The following ZNF385B variants were observed in gnomAD, a reference collection of about 807,000 sequenced individuals.
ZNF385B encodes the protein zinc finger protein 533.
Under a neutral mutation model 39.2 loss-of-function variants are expected in ZNF385B, and 23 were observed. That is an observed-to-expected ratio of 0.59 (90% confidence interval 0.42 to 0.83). The LOEUF (loss-of-function observed/expected upper bound fraction) is 0.83, where lower values mean the gene tolerates loss of function less well. ZNF385B is among the 40% of genes least tolerant of loss of function. ZNF385B has a pLI of 0.00. For missense variants in ZNF385B, 552 were observed against 598.9 expected (o/e 0.92, Z 0.82); for synonymous variants, 205 against 222.6 (o/e 0.92, Z 0.70).
chr2:179,650,737 T>C (rs1438817061), intron 3 of ZNF385B, among the ~76,000 whole-genome samples: 2 of 152,136 alleles, frequency 1.3e-5, no homozygotes, highest in East Asian at 1.9e-4. Context: ...ATCAATAAGG[T>C]AGGGCAGTGA....
chr2:179,760,050 A>AT (rs11435978), intron 3 of ZNF385B, among the ~76,000 whole-genome samples: 94,829 of 145,042 alleles, frequency 0.65, 31,297 homozygotes, highest in Middle Eastern at 0.83. Flanking sequence ...CATAGTAAAA[A>AT]TTTTTTTTTT....
At chr2:179,655,100 T>C (rs1005031844) in intron 3 of ZNF385B, among the ~76,000 whole-genome samples, 6 of 152,200 alleles carry the variant, frequency 3.9e-5, no homozygotes, top group Non-Finnish European at 8.8e-5. Context: ...AATTGTATCA[T>C]GGGTAGTTTT....
At chr2:179,580,058 C>T (rs1056500281) in intron 3 of ZNF385B, among the ~76,000 whole-genome samples, 1 of 152,082 alleles carries the variant, frequency 6.6e-6, no homozygotes, top group African/African-American at 2.4e-5. Context: ...AACTATTAGT[C>T]CTAAGACCTT....
chr2:179,639,503 A>T (rs1692075224), intron 3 of ZNF385B, among the ~76,000 whole-genome samples: 1 of 152,166 alleles, frequency 6.6e-6, no homozygotes, highest in Admixed American at 6.6e-5. Flanking sequence ...ATCAAAATAT[A>T]ATATTGTACA....
chr2:179,774,954 G>A (rs1180672037), intron 1 of ZNF385B, among the ~76,000 whole-genome samples: 1 of 152,224 alleles, frequency 6.6e-6, no homozygotes, highest in Non-Finnish European at 1.5e-5. Context: ...GGGAAAGTTT[G>A]GGGAATACTT....
rs1300764305 is a variant in ZNF385B at position 179,524,551 on chromosome 2, C to CAAAAAAAAGAAAAAAAAA, written c.442-5914_442-5913insTTTTTTTTTCTTTTTTTT. Reference sequence around the variant, plus strand: ...TGGGTGACAGAGCGAGACTCCGTCTCAAAAAAAAAAAAAAAAAAAAAAAAA... The same window carrying CAAAAAAAAGAAAAAAAAA: ...TGGGTGACAGAGCGAGACTCCGTCTCAAAAAAAAGAAAAAAAAAAAAAAAAAAAAAAAAAAAAAAAAAA... On this transcript the variant is annotated intron_variant, in intron 4 of 9. Transcript: ENST00000410066. Among the ~76,000 whole-genome samples the CAAAAAAAAGAAAAAAAAA allele has an allele frequency of 3.0e-4, 18 of 60,972 alleles. 1 individual carries two copies. The highest frequency in any genetic ancestry group is 4.2e-4 in the Non-Finnish European group (16 of 37,648). 40.0% of individuals were successfully genotyped at this position (60,972 alleles called of 152,430 possible).
intron 6 of ZNF385B, among the ~76,000 whole-genome samples, chr2:179,475,196 T>C (rs890101052): frequency 3.3e-5 from 5 of 152,176 alleles, no homozygotes; most frequent in African/African-American, 1.2e-4. Context: ...TTACATGCTG[T>C]TAGTCATAGC....
At chr2:179,643,770 G>A (rs1490326851) in intron 3 of ZNF385B, among the ~76,000 whole-genome samples, 1 of 152,020 alleles carries the variant, frequency 6.6e-6, no homozygotes, top group East Asian at 1.9e-4. Context: ...TAGAGTGATG[G>A]AACTGTTTGA....
chr2:179,575,363 C>A (rs1454165025), intron 3 of ZNF385B, among the ~76,000 whole-genome samples: 1 of 152,136 alleles, frequency 6.6e-6, no homozygotes, highest in Non-Finnish European at 1.5e-5. Flanking sequence ...TATATTTCAA[C>A]TATAGTTATA....
chr2:179,444,900 G>T lies in ZNF385B; in HGVS notation c.1218C>A (p.Leu406=), dbSNP rs202072834. The T allele has an allele frequency of 3.1e-6, 5 of 1,614,016 alleles. No individual in the cohort carries two copies. In the South Asian group the frequency reaches 5.5e-5, roughly 18 times the overall value. Residue 406 remains leucine (L), a synonymous_variant, in exon 9 of 10, where the codon CTC becomes CTA. Transcript: ENST00000410066. ...CTGCTAGAATACTCGGGCTCCGCTG[G>T]AGTTTGTTGTAAGGGCTGTATTTTG... ...LKPKYSPYNK[L]QRSPSILAAK...
intron 3 of ZNF385B, among the ~76,000 whole-genome samples, chr2:179,552,195 CT>C: frequency 6.7e-6 from 1 of 149,084 alleles, no homozygotes; most frequent in Admixed American, 6.7e-5. Flanking sequence ...AGTCTTTGGC[CT>C]TTAGATATAT....
At chr2:179,827,235 C>T in intron 1 of ZNF385B, among the ~76,000 whole-genome samples, 1 of 152,074 alleles carries the variant, frequency 6.6e-6, no homozygotes, top group East Asian at 1.9e-4. Context: ...CGAGGAGCTG[C>T]AAGAAGCTGG....
intron 1 of ZNF385B, among the ~76,000 whole-genome samples, chr2:179,841,970 A>T (rs2106616176): frequency 6.6e-6 from 1 of 152,200 alleles, no homozygotes; most frequent in East Asian, 1.9e-4. Flanking sequence ...ACTTAAGAAC[A>T]CAGATACCAG....
chr2:179,817,278 T>C (rs1387458530), intron 1 of ZNF385B, among the ~76,000 whole-genome samples: 1 of 152,304 alleles, frequency 6.6e-6, no homozygotes, highest in African/African-American at 2.4e-5. Flanking sequence ...TTTGGCAAAA[T>C]AGAGAATTGT....
intron 3 of ZNF385B, among the ~76,000 whole-genome samples, chr2:179,614,812 C>T (rs867494267): frequency 1.3e-5 from 2 of 152,098 alleles, no homozygotes; most frequent in African/African-American, 2.4e-5. Flanking sequence ...ATTTACACAC[C>T]CAGCACTTCA....
intron 1 of ZNF385B, among the ~76,000 whole-genome samples, chr2:179,802,279 T>C (rs1041080952): frequency 1.3e-5 from 2 of 152,120 alleles, no homozygotes; most frequent in African/African-American, 4.8e-5. Context: ...TGTTCGTTTA[T>C]GTAATTCATC....
chr2:179,837,653 G>C (rs983780998), intron 1 of ZNF385B, among the ~76,000 whole-genome samples: 2 of 152,186 alleles, frequency 1.3e-5, no homozygotes, highest in Admixed American at 6.5e-5. Context: ...AAGGTATTTT[G>C]AGGGTATTCG....
chr2:179,720,720 C>T (rs1472758046), intron 3 of ZNF385B, among the ~76,000 whole-genome samples: 1 of 151,924 alleles, frequency 6.6e-6, no homozygotes, highest in Non-Finnish European at 1.5e-5. Flanking sequence ...AAGTTATATG[C>T]TCTTTATAAG....
intron 4 of ZNF385B, among the ~76,000 whole-genome samples, chr2:179,530,685 T>A (rs2059197731): frequency 6.6e-6 from 1 of 152,216 alleles, no homozygotes; most frequent in Non-Finnish European, 1.5e-5. Context: ...AACCTGGACC[T>A]TTGAATATAT....
Sources: allele counts gnomAD v4.1 joint callset (sites outside exome capture counted in the v4.1 genomes callset), GRCh38; gene constraint gnomAD v4.1.1; transcripts MANE v1.5; gene names NCBI Gene and HGNC (gene_info 2026-07-23, HGNC 2026-07-21).